Variants in PCDH9 observed in about 807,000 individuals in gnomAD.
PCDH9 encodes the protein protocadherin-9.
In PCDH9, 24 loss-of-function variants were observed where a neutral mutation model predicts 70.6. That is an observed-to-expected ratio of 0.34 (90% CI 0.25 to 0.48). PCDH9 has a LOEUF of 0.48. Among genes scored for constraint, PCDH9 ranks in the 20% least tolerant of loss-of-function variants. The pLI is 0.99. For missense variants in PCDH9, 1,281 were observed against 1,503.6 expected, an observed-to-expected ratio of 0.85 and a Z score of 2.45; for synonymous variants, 562 against 558.5, an observed-to-expected ratio of 1.01 and a Z score of -0.09.
intron 4 of PCDH9, among the ~76,000 whole-genome samples, chr13:66,510,363 A>T (rs1007691484): frequency 6.6e-6 from 1 of 151,650 alleles, no homozygotes; most frequent in Admixed American, 6.6e-5. Context: ...ATATATATAT[A>T]CATATTTTTT....
chr13:66,691,912 C>G (rs1406698490), intron 3 of PCDH9, among the ~76,000 whole-genome samples: 1 of 152,122 alleles, frequency 6.6e-6, no homozygotes, highest in Non-Finnish European at 1.5e-5. Context: ...GAAAATACTA[C>G]TACCTACTTA....
intron 4 of PCDH9, among the ~76,000 whole-genome samples, chr13:66,399,729 A>G (rs1157932937): frequency 6.6e-6 from 1 of 150,882 alleles, no homozygotes; most frequent in Non-Finnish European, 1.5e-5. Context: ...ATAAAGAACC[A>G]AAAAAAAAGA....
intron 2 of PCDH9, among the ~76,000 whole-genome samples, chr13:66,912,115 C>CAAATATAAT (rs2082477611): frequency 6.6e-6 from 1 of 152,072 alleles, no homozygotes; most frequent in Admixed American, 6.6e-5. Context: ...TATTAAATTT[C>CAAATATAAT]AAATATAATT....
chr13:67,087,706 T>C (rs2086136618), intron 2 of PCDH9, among the ~76,000 whole-genome samples: 1 of 152,082 alleles, frequency 6.6e-6, no homozygotes, highest in South Asian at 2.1e-4. Flanking sequence ...TTTTTTCTTC[T>C]GATTTCTTTT....
At chr13:66,989,574 T>G (rs1409439429) in intron 2 of PCDH9, among the ~76,000 whole-genome samples, 1 of 151,922 alleles carries the variant, frequency 6.6e-6, no homozygotes, top group African/African-American at 2.4e-5. Context: ...TCCCAAGTCT[T>G]TTTTTCACTC....
In PCDH9 at chr13:67,170,137, A is replaced by G. The variant is rs574031222; in HGVS notation, c.3036+55268T>C. ...TATTCACAGGTATCAGTGCTATAGC[A>G]TTATGAAACCATCAGATTACTTTTA... On this transcript the variant is annotated intron_variant, in intron 2 of 4. Transcript: ENST00000377865. 2.3e-3 allele frequency among the ~76,000 whole-genome samples: 343 copies of G among 152,324 alleles called. 1 individual carries two copies. Among genetic ancestry groups the G allele is most frequent in the African/African-American group, 8.0e-3 (333 of 41,584 alleles).
chr13:66,604,648 A>G (rs1054397887), intron 4 of PCDH9, among the ~76,000 whole-genome samples: 1 of 152,112 alleles, frequency 6.6e-6, no homozygotes, highest in African/African-American at 2.4e-5. Flanking sequence ...TCAGTACGTA[A>G]TAACTTCAAA....
chr13:66,415,698 T>C (rs1015519063), intron 4 of PCDH9, among the ~76,000 whole-genome samples: 4 of 152,054 alleles, frequency 2.6e-5, no homozygotes, highest in Admixed American at 2.0e-4. Context: ...CAAAGGCAGA[T>C]AGGTAAGAAT....
At chr13:66,657,582 T>C (rs1322170330) in intron 3 of PCDH9, among the ~76,000 whole-genome samples, 1 of 152,236 alleles carries the variant, frequency 6.6e-6, no homozygotes, top group East Asian at 1.9e-4. Flanking sequence ...TGCAGTATTT[T>C]ACAGCAATTG....
chr13:67,076,376 C>A lies in PCDH9; in HGVS notation c.3036+149029G>T, dbSNP rs1490483313. 2.0e-5 allele frequency among the ~76,000 whole-genome samples: 3 copies of A among 151,914 alleles called. No homozygotes were observed. The East Asian group carries it at 5.8e-4, about 29-fold the overall frequency. On this transcript the variant is annotated intron_variant, in intron 2 of 4. Coordinates refer to ENST00000377865, the MANE Select transcript of PCDH9 (RefSeq NM_203487.3). ...CAATATGTGAATAACTATAAACATG[C>A]GTAATTAATTGGTAAATCAAATAGC...
At chr13:66,467,273 G>C (rs775212320) in intron 4 of PCDH9, among the ~76,000 whole-genome samples, 2 of 151,998 alleles carry the variant, frequency 1.3e-5, no homozygotes, top group African/African-American at 4.8e-5. Flanking sequence ...ACGTTTAACA[G>C]AATGAAAAAG....
At chr13:66,578,318 C>G (rs949963698) in intron 4 of PCDH9, among the ~76,000 whole-genome samples, 1 of 152,074 alleles carries the variant, frequency 6.6e-6, no homozygotes, top group Non-Finnish European at 1.5e-5. Context: ...ACAGTGAGAA[C>G]TGACTTTTGA....
chr13:66,418,372 T>A (rs1957499259), intron 4 of PCDH9, among the ~76,000 whole-genome samples: 1 of 152,202 alleles, frequency 6.6e-6, no homozygotes. Flanking sequence ...CATATCTCTT[T>A]TGGTACCAGC....
At chr13:66,889,979 C>T (rs1440443595) in intron 3 of PCDH9, among the ~76,000 whole-genome samples, 1 of 152,156 alleles carries the variant, frequency 6.6e-6, no homozygotes, top group African/African-American at 2.4e-5. Context: ...GTAACAGCTT[C>T]TTGCTCTTCT....
At chr13:66,852,449 C>T (rs1566241520) in intron 3 of PCDH9, among the ~76,000 whole-genome samples, 1 of 152,022 alleles carries the variant, frequency 6.6e-6, no homozygotes. Context: ...ATTTAATGAC[C>T]TAATTACCAG....
chr13:66,324,353 A>G (rs1196132606), intron 4 of PCDH9, among the ~76,000 whole-genome samples: 1 of 152,058 alleles, frequency 6.6e-6, no homozygotes, highest in African/African-American at 2.4e-5. Flanking sequence ...ACTGTCCAAG[A>G]GAAACGTTAG....
intron 4 of PCDH9, among the ~76,000 whole-genome samples, chr13:66,483,499 A>T (rs548608420): frequency 6.6e-6 from 1 of 152,350 alleles, no homozygotes; most frequent in African/African-American, 2.4e-5. Flanking sequence ...AGTGTGAAAC[A>T]TGGGGAAATT....
intron 4 of PCDH9, among the ~76,000 whole-genome samples, chr13:66,539,380 A>T (rs935555993): frequency 6.6e-6 from 1 of 152,110 alleles, no homozygotes; most frequent in African/African-American, 2.4e-5. Flanking sequence ...TAATTGAATC[A>T]TGGGTGTGGT....
At chr13:67,041,830 C>CAAAAAA (rs61557179) in intron 2 of PCDH9, among the ~76,000 whole-genome samples, 3 of 109,864 alleles carry the variant, frequency 2.7e-5, no homozygotes, top group Non-Finnish European at 3.8e-5. Context: ...GACTCTGTCT[C>CAAAAAA]AAAAAAAAAA....
Sources: gnomAD v4.1 joint callset for allele counts (sites outside exome capture counted in the v4.1 genomes callset) on GRCh38, gnomAD v4.1.1 for gene constraint, MANE v1.5 for transcripts, NCBI Gene and HGNC (gene_info 2026-07-23, HGNC 2026-07-21) for gene names.